Variants in GRM8 observed in about 807,000 individuals in gnomAD.
GRM8 encodes glutamate metabotropic receptor 8.
In GRM8, 47 loss-of-function variants were observed where a neutral mutation model predicts 87.2. The observed-to-expected ratio is 0.54, with a 90% confidence interval of 0.43 to 0.69. The LOEUF (loss-of-function observed/expected upper bound fraction) is 0.69, where lower values mean the gene tolerates loss of function less well. Ranked by LOEUF, GRM8 falls within the 30% of genes least tolerant of loss-of-function variation. The probability of loss-of-function intolerance (pLI) is 0.00; values close to 1 mark genes in which losing one functional copy is unlikely to be tolerated. For missense variants in GRM8, 1,019 were observed against 1,139.2 expected, an observed-to-expected ratio of 0.89 and a Z score of 1.52; for synonymous variants, 396 against 404.5, an observed-to-expected ratio of 0.98 and a Z score of 0.25.
chr7:126,991,280 C>G (rs535872335), intron 3 of GRM8, among the ~76,000 whole-genome samples: 183 of 152,156 alleles, frequency 1.2e-3, no homozygotes, highest in Non-Finnish European at 1.9e-3. Flanking sequence ...TTGAAGGAAA[C>G]AGCAAATCTC....
At chr7:126,647,316 TAG>T (rs1272107637) in intron 7 of GRM8, among the ~76,000 whole-genome samples, 56 of 127,954 alleles carry the variant, frequency 4.4e-4, no homozygotes, top group East Asian at 1.2e-3. Flanking sequence ...GATAGATAGA[TAG>T]ATAGATAGAT....
At chr7:126,938,321 T>C (rs1806553404) in intron 3 of GRM8, among the ~76,000 whole-genome samples, 1 of 152,174 alleles carries the variant, frequency 6.6e-6, no homozygotes, top group Admixed American at 6.5e-5. Flanking sequence ...TTCTGGTGAC[T>C]TCATGGAGCC....
At chr7:126,709,870 C>T (rs575675585) in intron 7 of GRM8, among the ~76,000 whole-genome samples, 5 of 152,192 alleles carry the variant, frequency 3.3e-5, no homozygotes, top group East Asian at 3.9e-4. Context: ...CTTGCAACAA[C>T]GCGGATGAAC....
chr7:127,065,953 T>G (rs1484763553), intron 3 of GRM8, among the ~76,000 whole-genome samples: 1 of 152,252 alleles, frequency 6.6e-6, no homozygotes, highest in Non-Finnish European at 1.5e-5. Flanking sequence ...AGAAAATCAT[T>G]GAAATCATTC....
At chr7:126,519,775 G>A (rs147356126) in intron 9 of GRM8, among the ~76,000 whole-genome samples, 124 of 152,224 alleles carry the variant, frequency 8.1e-4, no homozygotes, top group East Asian at 3.9e-3. Flanking sequence ...AGTGATCAGT[G>A]CTTATGTAGC....
intron 8 of GRM8, among the ~76,000 whole-genome samples, chr7:126,600,189 T>C (rs1456636137): frequency 6.6e-6 from 1 of 152,182 alleles, no homozygotes; most frequent in Non-Finnish European, 1.5e-5. Context: ...ATTATTGTAG[T>C]TATGAGTATA....
intron 7 of GRM8, among the ~76,000 whole-genome samples, chr7:126,662,175 T>G (rs1805248001): frequency 6.6e-6 from 1 of 152,200 alleles, no homozygotes; most frequent in African/African-American, 2.4e-5. Context: ...AAAATAAGAC[T>G]GCAAAGGGAT....
chr7:126,561,814 C>T (rs1793735179), intron 8 of GRM8, among the ~76,000 whole-genome samples: 1 of 124,334 alleles, frequency 8.0e-6, no homozygotes. Context: ...GTGTGATGTT[C>T]CCCTTCCTGT....
chr7:126,661,896 C>A (rs926578989), intron 7 of GRM8, among the ~76,000 whole-genome samples: 8 of 13,322 alleles, frequency 6.0e-4, no homozygotes, highest in African/African-American at 9.5e-4. Context: ...CATGTCTTCA[C>A]AGTGGCTTCA....
chr7:127,088,657 A>G (rs571999145), intron 3 of GRM8, among the ~76,000 whole-genome samples: 1 of 152,294 alleles, frequency 6.6e-6, no homozygotes, highest in African/African-American at 2.4e-5. Flanking sequence ...AGTGGTGTCA[A>G]TGGACTGACA....
At chr7:126,534,242 A>T (rs1416284106) in intron 8 of GRM8, among the ~76,000 whole-genome samples, 1 of 152,202 alleles carries the variant, frequency 6.6e-6, no homozygotes, top group Non-Finnish European at 1.5e-5. Context: ...TTTAGAGTTA[A>T]TCACAAATAT....
At chr7:127,165,495 T>A (rs180785575) in intron 2 of GRM8, among the ~76,000 whole-genome samples, 31 of 152,116 alleles carry the variant, frequency 2.0e-4, no homozygotes, top group Middle Eastern at 3.4e-3. Flanking sequence ...TCGTAAACCT[T>A]CAGCATGCAT....
intron 6 of GRM8, among the ~76,000 whole-genome samples, chr7:126,835,632 G>C (rs991089847): frequency 6.6e-6 from 1 of 152,132 alleles, no homozygotes; most frequent in Non-Finnish European, 1.5e-5. Flanking sequence ...AAGCCATAAG[G>C]TTTTTCAAAG....
intron 8 of GRM8, among the ~76,000 whole-genome samples, chr7:126,534,914 G>A (rs990211298): frequency 2.0e-5 from 3 of 152,078 alleles, no homozygotes; most frequent in African/African-American, 4.8e-5. Context: ...ATTTGCCCTC[G>A]ATACATATTT....
chr7:126,710,551 G>T (rs1317171446), intron 7 of GRM8, among the ~76,000 whole-genome samples: 2 of 152,060 alleles, frequency 1.3e-5, no homozygotes, highest in African/African-American at 4.8e-5. Flanking sequence ...CCATAAGAAG[G>T]TACTCTTCCT....
intron 7 of GRM8, among the ~76,000 whole-genome samples, chr7:126,632,747 C>G (rs1283203116): frequency 6.6e-6 from 1 of 152,044 alleles, no homozygotes. Flanking sequence ...ATGGATGGAG[C>G]TGGAAGCCAT....
chr7:126,472,806 C>T (rs1177992960), intron 9 of GRM8, among the ~76,000 whole-genome samples: 1 of 152,168 alleles, frequency 6.6e-6, no homozygotes, highest in Non-Finnish European at 1.5e-5. Flanking sequence ...CTGCTTCGTG[C>T]AGTCTCGGGA....
chr7:126,989,770 C>A (rs937749332), intron 3 of GRM8, among the ~76,000 whole-genome samples: 5 of 152,084 alleles, frequency 3.3e-5, no homozygotes, highest in Non-Finnish European at 7.3e-5. Context: ...GGCAAAACCC[C>A]ATCTTTACAA....
At chr7:127,008,458 C>A (rs930383745) in intron 3 of GRM8, among the ~76,000 whole-genome samples, 1 of 152,040 alleles carries the variant, frequency 6.6e-6, no homozygotes, top group Admixed American at 6.6e-5. Context: ...TTAAAATTCT[C>A]CCTCATGCCT....
Sources: gnomAD v4.1 joint callset for allele counts (sites outside exome capture counted in the v4.1 genomes callset) on GRCh38, gnomAD v4.1.1 for gene constraint, MANE v1.5 for transcripts, NCBI Gene and HGNC (gene_info 2026-07-23, HGNC 2026-07-21) for gene names.